The following EIF4E2 variants were observed in gnomAD, a reference collection of about 807,000 sequenced individuals.
The protein encoded by EIF4E2 is eukaryotic translation initiation factor 4E type 2.
A neutral mutation model predicts 34.2 loss-of-function variants in EIF4E2; 13 were observed. The observed-to-expected ratio is 0.38, with a 90% CI of 0.25 to 0.60. The LOEUF is 0.60. EIF4E2 is among the 20% of genes least tolerant of loss of function. The probability of loss-of-function intolerance (pLI) is 0.62; values close to 1 mark genes in which losing one functional copy is unlikely to be tolerated. For synonymous variants in EIF4E2, 100 were observed against 106.6 expected, an observed-to-expected ratio of 0.94 and a Z score of 0.38; for missense variants, 222 against 315.1, an observed-to-expected ratio of 0.70 and a Z score of 2.24.
chr2:232,567,534 T>C, intron 6 of EIF4E2: 3 of 1,239,544 alleles, frequency 2.4e-6, no homozygotes, highest in Non-Finnish European at 2.0e-6. Flanking sequence ...CAAGTGCTTT[T>C]CTTTTTCTTG....
chr2:232,564,434 G>GTATTTTATTTTATTT lies in EIF4E2; in HGVS notation c.375+104_375+118dup, dbSNP rs10603391. On this transcript the variant is annotated intron_variant, in intron 4 of 6. Coordinates refer to ENST00000258416, the MANE Select transcript of EIF4E2 (RefSeq NM_004846.4). ...TCTCTTAGCCCTGCCAAGGTTAAAA[G>GTATTTTATTTTATTT]TATTTTATTTTATTTTATTTTATTT... The GTATTTTATTTTATTT allele has an allele frequency of 5.7e-6, 3 of 528,914 alleles. No homozygotes were observed. The African/African-American group carries it at 6.0e-5, about 11-fold the overall frequency. 32.8% of individuals were successfully genotyped at this position (528,914 alleles called of 1,614,324 possible).
At chr2:232,561,174 C>T (rs1401062475) in intron 3 of EIF4E2, among the ~76,000 whole-genome samples, 3 of 152,090 alleles carry the variant, frequency 2.0e-5, no homozygotes, top group Non-Finnish European at 4.4e-5. Context: ...TAGCTCATGC[C>T]TGTAATCCCA....
At chr2:232,550,778 C>T (rs1314797271) in intron 1 of EIF4E2, 34 bp downstream of exon 1, 1 of 1,545,946 alleles carries the variant, frequency 6.5e-7, no homozygotes, top group South Asian at 1.2e-5. Context: ...GGGGCCCCTT[C>T]CCCGAACAGT....
intron 4 of EIF4E2, among the ~76,000 whole-genome samples, chr2:232,565,261 G>T (rs554204351): frequency 6.6e-6 from 1 of 152,310 alleles, no homozygotes; most frequent in South Asian, 2.1e-4. Flanking sequence ...CCTCCTGTCA[G>T]TTTATGCACA....
chr2:232,559,338 A>G (rs1341010936), intron 3 of EIF4E2, among the ~76,000 whole-genome samples: 3 of 151,850 alleles, frequency 2.0e-5, no homozygotes, highest in Non-Finnish European at 4.4e-5. Context: ...AAAAATGAAT[A>G]ATTGTTTATC....
At chr2:232,580,084 CCACACACACACACACACACACACA>C (rs6147227) in intron 6 of EIF4E2, among the ~76,000 whole-genome samples, 9 of 145,170 alleles carry the variant, frequency 6.2e-5, no homozygotes, top group Admixed American at 2.1e-4. Flanking sequence ...CACATACATA[CCACACACACACACACACACACACA>C]CACACACACA....
chr2:232,557,962 C>G lies in EIF4E2; in HGVS notation c.214C>G (p.Pro72Ala), dbSNP rs1350302193. Reference sequence around the variant, plus strand: ...GTACTCCAGGAGAACCCCCGGCCGTCCCACGAGCTCACAGAGCTATGAACA... The same window carrying G: ...GTACTCCAGGAGAACCCCCGGCCGTGCCACGAGCTCACAGAGCTATGAACA... ...FWYSRRTPGR[P>A]TSSQSYEQNI... The change falls in exon 3 of 7, where the codon CCC becomes GCC. Residue 72 changes from proline (P) to alanine (A), a missense_variant. By Grantham distance (27) the Pro-to-Ala change is conservative. Around this residue, in one of 3 missense-constraint regions of EIF4E2, gnomAD observed 87 missense variants for 93.6 expected, o/e 0.93. Transcript: ENST00000258416. 6.2e-7 allele frequency: 1 copy of G among 1,614,180 alleles called. No individual in the cohort carries two copies. Among genetic ancestry groups the G allele is most frequent in the Non-Finnish European group, 8.5e-7 (1 of 1,180,032 alleles).
chr2:232,555,713 A>T (rs1692493850), intron 1 of EIF4E2, among the ~76,000 whole-genome samples: 1 of 152,164 alleles, frequency 6.6e-6, no homozygotes. Flanking sequence ...GGTGTTTGCA[A>T]ATGGCACCGA....
chr2:232,569,128 A>G lies in EIF4E2; in HGVS notation c.*111A>G. ...TCTGTCCTGGACAAGAGGAATTGGA[A>G]GAGCATTTTATGTTTTAAGAACAGG... On this transcript the variant is annotated 3_prime_UTR_variant, in exon 7 of 7. Transcript: ENST00000258416. The G allele has an allele frequency of 4.0e-6, 6 of 1,514,368 alleles. No homozygotes were observed. The highest frequency in any genetic ancestry group is 5.3e-6 in the Non-Finnish European group (6 of 1,129,700). 93.8% of individuals were successfully genotyped at this position (1,514,368 alleles called of 1,614,324 possible).
At chr2:232,560,009 C>T (rs533638243) in intron 3 of EIF4E2, among the ~76,000 whole-genome samples, 150 of 152,082 alleles carry the variant, frequency 9.9e-4, no homozygotes, top group African/African-American at 3.3e-3. Context: ...TTTAAATTCT[C>T]GAGTCAGTCA....
Position 232,566,995 on chromosome 2 carries a change from G to C in EIF4E2, c.528+14G>C, listed in dbSNP as rs1309954183. Reference sequence around the variant, plus strand: ...GTCCGCTTTCAGGTAAGCCACCCATGAGCCAGGCTGGTTTCTTGTGTTGCC... The same window carrying C: ...GTCCGCTTTCAGGTAAGCCACCCATCAGCCAGGCTGGTTTCTTGTGTTGCC... On this transcript the variant is annotated intron_variant, in intron 5 of 6. Transcript: ENST00000258416. The surrounding 1 kb of genome is among the most constrained non-coding windows in gnomAD (Gnocchi z 4.9). 2.5e-6 allele frequency: 4 copies of C among 1,589,030 alleles called. No homozygotes were observed. In the Admixed American group the frequency reaches 6.9e-5, roughly 27 times the overall value.
exon 7 of EIF4E2, chr2:232,583,147 G>GTT (rs148656998): frequency 2.0e-3 from 307 of 151,326 alleles, no homozygotes; most frequent in African/African-American, 7.1e-3. Flanking sequence ...TGGTATCACC[G>GTT]TTACAGAGGC....
chr2:232,576,340 A>C (rs1231284887), intron 6 of EIF4E2, among the ~76,000 whole-genome samples: 1 of 152,236 alleles, frequency 6.6e-6, no homozygotes, highest in Non-Finnish European at 1.5e-5. Context: ...TTCAGTGAAA[A>C]GTCTTTAAAA....
At chr2:232,554,475 G>A (rs1692453133) in intron 1 of EIF4E2, among the ~76,000 whole-genome samples, 1 of 152,208 alleles carries the variant, frequency 6.6e-6, no homozygotes, top group African/African-American at 2.4e-5. Flanking sequence ...GGTTCTTGGG[G>A]ACAAGCACTC....
At chr2:232,559,437 G>GGAAA (rs1553582383) in intron 3 of EIF4E2, among the ~76,000 whole-genome samples, 7,487 of 118,978 alleles carry the variant, frequency 0.063, 424 homozygotes, top group African/African-American at 0.16. Context: ...GCTTTGGTTT[G>GGAAA]AAAAAAATAA....
In EIF4E2 at chr2:232,564,252, G is replaced by A. The variant is rs1359539777; in HGVS notation, c.276G>A (p.Glu92=). Reference sequence around the variant, plus strand: ...CTGGGGTCTTCTCTCTGCAGGTGGAGCAGTTCTGGAGGTTTTATAGCCACA... The same window carrying A: ...CTGGGGTCTTCTCTCTGCAGGTGGAACAGTTCTGGAGGTTTTATAGCCACA... ...IKQIGTFASV[E]QFWRFYSHMV... Residue 92 remains glutamate (E), a synonymous_variant, in exon 4 of 7, where the codon GAG becomes GAA. Coordinates refer to ENST00000258416, the MANE Select transcript of EIF4E2 (RefSeq NM_004846.4). 1.3e-6 allele frequency: 2 copies of A among 1,590,888 alleles called. No homozygotes were observed. The highest frequency in any genetic ancestry group is 1.7e-6 in the Non-Finnish European group (2 of 1,166,962).
In EIF4E2 at chr2:232,566,303, C is replaced by T. The variant is rs904098240; in HGVS notation, c.376-526C>T. Among the ~76,000 whole-genome samples, 6 of 152,206 alleles carry T rather than the reference C, an allele frequency of 3.9e-5. No individual in the cohort carries two copies. Among genetic ancestry groups the T allele is most frequent in the Non-Finnish European group, 7.3e-5 (5 of 68,046 alleles). On this transcript the variant is annotated intron_variant, in intron 4 of 6. Coordinates refer to ENST00000258416, the MANE Select transcript of EIF4E2 (RefSeq NM_004846.4). This position sits in a 1 kb window ranked among gnomAD's most constrained non-coding sequence, Gnocchi z 4.9. ...CCGAGTTCACGCCATTCTCCCGCCTCAGCCTCCCGAGTAGCTGGGACTACA... is the reference window on the plus strand; with the variant it reads ...CCGAGTTCACGCCATTCTCCCGCCTTAGCCTCCCGAGTAGCTGGGACTACA...
intron 4 of EIF4E2, among the ~76,000 whole-genome samples, chr2:232,565,802 T>C (rs560888206): frequency 3.0e-4 from 46 of 152,030 alleles, no homozygotes; most frequent in Non-Finnish European, 4.7e-4. Flanking sequence ...TGAGTAGAGA[T>C]TGGGGCTTCA....
chr2:232,570,399 C>T (rs1040026359), downstream of EIF4E2, among the ~76,000 whole-genome samples: 3 of 152,148 alleles, frequency 2.0e-5, no homozygotes, highest in Non-Finnish European at 4.4e-5. Context: ...CTGGCTCTTT[C>T]CCTCTTGCCT....
Sources: gnomAD v4.1 joint callset for allele counts (sites outside exome capture counted in the v4.1 genomes callset) on GRCh38, gnomAD v4.1.1 for gene constraint, gnomAD v4.1.1 regional missense constraint, Gnocchi (gnomAD v3.1) non-coding constraint, MANE v1.5 for transcripts, NCBI Gene and HGNC (gene_info 2026-07-23, HGNC 2026-07-21) for gene names.